Variants in CLSTN2 observed in about 807,000 individuals in gnomAD.
CLSTN2 encodes the protein calsyntenin-2.
In CLSTN2, 48 loss-of-function variants were observed where a neutral mutation model predicts 101.2. That is an observed-to-expected ratio of 0.47 (90% CI 0.38 to 0.60). The LOEUF is 0.60. Ranked by LOEUF, CLSTN2 falls within the 20% of genes least tolerant of loss-of-function variation. CLSTN2 has a pLI of 0.00. For missense variants in CLSTN2, 1,160 were observed against 1,238.2 expected, an observed-to-expected ratio of 0.94 and a Z score of 0.95; for synonymous variants, 481 against 463.6, an observed-to-expected ratio of 1.04 and a Z score of -0.48.
At chr3:140,494,418 T>G (rs1934418595) in intron 8 of CLSTN2, among the ~76,000 whole-genome samples, 1 of 152,172 alleles carries the variant, frequency 6.6e-6, no homozygotes, top group Non-Finnish European at 1.5e-5. Context: ...GTTCAGCTGA[T>G]TGCTCTTCCA....
intron 8 of CLSTN2, among the ~76,000 whole-genome samples, chr3:140,468,161 T>C (rs1047412261): frequency 6.6e-6 from 1 of 152,252 alleles, no homozygotes; most frequent in Non-Finnish European, 1.5e-5. Flanking sequence ...ATCTTGACAT[T>C]GTTTATTTTA....
chr3:140,267,162 G>C (rs751145580), intron 2 of CLSTN2, among the ~76,000 whole-genome samples: 1 of 152,184 alleles, frequency 6.6e-6, no homozygotes, highest in South Asian at 2.1e-4. Flanking sequence ...GGGAGAAAGT[G>C]TGTATCTTCC....
intron 8 of CLSTN2, among the ~76,000 whole-genome samples, chr3:140,494,111 A>T (rs2107758897): frequency 6.6e-6 from 1 of 152,362 alleles, no homozygotes; most frequent in Admixed American, 6.5e-5. Flanking sequence ...TATTACATCA[A>T]GTTTCCTTTT....
chr3:140,002,091 C>T (rs1217723639), intron 1 of CLSTN2, among the ~76,000 whole-genome samples: 3 of 152,108 alleles, frequency 2.0e-5, no homozygotes, highest in Non-Finnish European at 4.4e-5. Flanking sequence ...CTTGGGAGTG[C>T]AGTGGGATTG....
chr3:140,302,715 A>G (rs910333317), intron 2 of CLSTN2, among the ~76,000 whole-genome samples: 2 of 152,224 alleles, frequency 1.3e-5, no homozygotes, highest in Admixed American at 1.3e-4. Context: ...AGATGCCCCC[A>G]CAGTGGCCTA....
At chr3:140,187,048 T>C (rs1437163451) in intron 2 of CLSTN2, among the ~76,000 whole-genome samples, 1 of 152,238 alleles carries the variant, frequency 6.6e-6, no homozygotes, top group Non-Finnish European at 1.5e-5. Context: ...CCAAATCCAC[T>C]GCATGGCCCT....
chr3:140,238,154 A>G (rs1165921075), intron 2 of CLSTN2, among the ~76,000 whole-genome samples: 3 of 152,158 alleles, frequency 2.0e-5, no homozygotes, highest in African/African-American at 7.2e-5. Flanking sequence ...CCTATCTTAC[A>G]TCTGAGGACA....
At chr3:140,467,750 T>TA (rs1235746914) in intron 8 of CLSTN2, among the ~76,000 whole-genome samples, 3 of 152,164 alleles carry the variant, frequency 2.0e-5, no homozygotes, top group African/African-American at 7.2e-5. Flanking sequence ...CCATCCTTGT[T>TA]ACTATATCTC....
intron 1 of CLSTN2, among the ~76,000 whole-genome samples, chr3:139,956,597 C>G (rs1935405977): frequency 6.6e-6 from 1 of 152,168 alleles, no homozygotes; most frequent in African/African-American, 2.4e-5. Flanking sequence ...GGAACAGACT[C>G]TCTTTTTTCC....
chr3:139,996,555 T>A (rs1483740533), intron 1 of CLSTN2, among the ~76,000 whole-genome samples: 5 of 152,220 alleles, frequency 3.3e-5, no homozygotes, highest in Non-Finnish European at 7.3e-5. Flanking sequence ...AAAGCATTTG[T>A]ATCATTTTAC....
chr3:140,161,539 A>G (rs1477594080), intron 1 of CLSTN2, among the ~76,000 whole-genome samples: 1 of 152,190 alleles, frequency 6.6e-6, no homozygotes, highest in Non-Finnish European at 1.5e-5. Flanking sequence ...TGATCCAGTC[A>G]ACAAGTTACT....
chr3:140,424,108 G>T (rs1163568764), intron 5 of CLSTN2, among the ~76,000 whole-genome samples: 1 of 152,180 alleles, frequency 6.6e-6, no homozygotes, highest in Non-Finnish European at 1.5e-5. Flanking sequence ...GCCTGTAGTG[G>T]CAGAAGCTGA....
At chr3:140,534,652 G>A (rs1935326002) in intron 9 of CLSTN2, among the ~76,000 whole-genome samples, 1 of 152,168 alleles carries the variant, frequency 6.6e-6, no homozygotes, top group Non-Finnish European at 1.5e-5. Context: ...AGAAAACATG[G>A]CAAATCGTGC....
chr3:140,251,222 A>G (rs887412986), intron 2 of CLSTN2, among the ~76,000 whole-genome samples: 6 of 151,966 alleles, frequency 3.9e-5, no homozygotes, highest in Non-Finnish European at 5.9e-5. Flanking sequence ...TAGTGACTTC[A>G]TTGTTCTCGG....
At chr3:139,936,479 T>C (rs1231311556) in intron 1 of CLSTN2, among the ~76,000 whole-genome samples, 3 of 152,218 alleles carry the variant, frequency 2.0e-5, no homozygotes, top group Non-Finnish European at 2.9e-5. Context: ...GTTTGTGGAC[T>C]GTGGCCAAAT....
At chr3:140,286,141 C>T (rs1255459774) in intron 2 of CLSTN2, among the ~76,000 whole-genome samples, 1 of 152,138 alleles carries the variant, frequency 6.6e-6, no homozygotes, top group African/African-American at 2.4e-5. Context: ...CTGTGGTCCA[C>T]AACTGCCCCC....
chr3:140,257,863 T>A (rs1410709134), intron 2 of CLSTN2, among the ~76,000 whole-genome samples: 1 of 152,186 alleles, frequency 6.6e-6, no homozygotes, highest in Non-Finnish European at 1.5e-5. Flanking sequence ...ATTCTTTCCT[T>A]AAGATAAAGT....
intron 2 of CLSTN2, among the ~76,000 whole-genome samples, chr3:140,367,612 G>C (rs898755364): frequency 2.0e-5 from 3 of 151,798 alleles, no homozygotes; most frequent in African/African-American, 7.2e-5. Flanking sequence ...TTTACTTCTA[G>C]CACCTACCTG....
At chr3:140,436,690 C>T (rs1559869306) in intron 5 of CLSTN2, among the ~76,000 whole-genome samples, 3 of 152,198 alleles carry the variant, frequency 2.0e-5, no homozygotes, top group Admixed American at 6.5e-5. Flanking sequence ...GGTGTGGAAG[C>T]CCAGGGAGAC....
Sources: allele counts gnomAD v4.1 joint callset (sites outside exome capture counted in the v4.1 genomes callset), GRCh38; gene constraint gnomAD v4.1.1; transcripts MANE v1.5; gene names NCBI Gene and HGNC (gene_info 2026-07-23, HGNC 2026-07-21).